REEP1: variants seen among roughly 807,000 people sequenced by gnomAD.
REEP1 encodes receptor accessory protein 1.
Under a neutral mutation model 40.3 loss-of-function variants are expected in REEP1, and 22 were observed. The ratio of observed to expected loss-of-function variants is 0.55; its 90% confidence interval spans 0.39 to 0.78. The LOEUF is 0.78. Among genes scored for constraint, REEP1 ranks in the 30% least tolerant of loss-of-function variants. The pLI, the probability that REEP1 is intolerant of heterozygous loss-of-function variation, is 0.00. For missense variants in REEP1, 280 were observed against 361.1 expected (o/e 0.78, Z 1.82); for synonymous variants, 116 against 139.2 (o/e 0.83, Z 1.17).
chr2:86,219,038 T>C (rs1036672230), intron 8 of REEP1, among the ~76,000 whole-genome samples: 1 of 152,214 alleles, frequency 6.6e-6, no homozygotes, highest in Non-Finnish European at 1.5e-5. Context: ...CCTGTGCTCA[T>C]GACTGGTGAC....
intron 5 of REEP1, among the ~76,000 whole-genome samples, chr2:86,237,679 C>T (rs989671993): frequency 2.6e-5 from 4 of 151,960 alleles, no homozygotes; most frequent in Admixed American, 6.5e-5. Context: ...GCCACCACCA[C>T]GCCCGGCTAA....
chr2:86,261,536 G>C (rs953851714), intron 3 of REEP1, among the ~76,000 whole-genome samples: 1 of 152,172 alleles, frequency 6.6e-6, no homozygotes, highest in East Asian at 1.9e-4. Context: ...AAGGCAGCAC[G>C]CTCTTTAAGA....
chr2:86,217,157 G>A (rs1674157803), intron 8 of REEP1, 47 bp from the exon 9 acceptor site: 3 of 1,543,200 alleles, frequency 1.9e-6, no homozygotes, highest in East Asian at 4.5e-5. Flanking sequence ...TGTAAATGTG[G>A]GATCTTTTGA....
At chr2:86,296,104 T>A (rs57924251) in intron 1 of REEP1, among the ~76,000 whole-genome samples, 4,584 of 152,212 alleles carry the variant, frequency 0.03, 118 homozygotes, top group East Asian at 0.07. Flanking sequence ...TAGGTGACCA[T>A]AAGGGAAAGT....
intron 1 of REEP1, among the ~76,000 whole-genome samples, chr2:86,334,792 A>G (rs1680935105): frequency 6.6e-6 from 1 of 152,134 alleles, no homozygotes; most frequent in Admixed American, 6.5e-5. Context: ...TAAGTCTGAG[A>G]GCCCCTCTCA....
chr2:86,226,788 G>A (rs761538198), intron 7 of REEP1, among the ~76,000 whole-genome samples: 1 of 152,006 alleles, frequency 6.6e-6, no homozygotes, highest in Non-Finnish European at 1.5e-5. Flanking sequence ...GTGGTTTTAA[G>A]ATATCTCCAC....
chr2:86,335,551 T>A (rs1206481007), intron 1 of REEP1, among the ~76,000 whole-genome samples: 2 of 152,024 alleles, frequency 1.3e-5, no homozygotes, highest in African/African-American at 2.4e-5. Context: ...CAGTTGCTCA[T>A]TGTAAAAAAG....
intron 1 of REEP1, among the ~76,000 whole-genome samples, chr2:86,333,508 C>G (rs1680868455): frequency 6.6e-6 from 1 of 152,256 alleles, no homozygotes; most frequent in South Asian, 2.1e-4. Flanking sequence ...ACTTAGAACT[C>G]TCTTTCCCCC....
At chr2:86,239,016 A>G (rs1675519646) in intron 5 of REEP1, among the ~76,000 whole-genome samples, 1 of 152,082 alleles carries the variant, frequency 6.6e-6, no homozygotes, top group South Asian at 2.1e-4. Context: ...GGCAGGGGTA[A>G]GAGTAAGACT....
intron 2 of REEP1, among the ~76,000 whole-genome samples, chr2:86,279,360 T>C (rs2104383789): frequency 6.6e-6 from 1 of 152,282 alleles, no homozygotes; most frequent in Non-Finnish European, 1.5e-5. Flanking sequence ...TAAGCAGCCA[T>C]TAAATGACCC....
At chr2:86,295,548 G>T (rs754516373) in intron 1 of REEP1, among the ~76,000 whole-genome samples, 1 of 152,076 alleles carries the variant, frequency 6.6e-6, no homozygotes, top group East Asian at 1.9e-4. Flanking sequence ...GTTTTGAGAC[G>T]GAGTCTTGCT....
Position 86,282,150 on chromosome 2 carries a change from A to T in REEP1, c.105+20T>A, listed in dbSNP as rs1391015302. 1 of 1,576,346 alleles carries T rather than the reference A, an allele frequency of 6.3e-7. No individual in the cohort carries two copies. On this transcript the variant is annotated intron_variant, in intron 2 of 8. Transcript: ENST00000538924. ...ACCTGACTCCAGCCAACCCGCTCGAAAATACACAGTGCTACTTACATATTC... is the reference window on the plus strand; with the variant it reads ...ACCTGACTCCAGCCAACCCGCTCGATAATACACAGTGCTACTTACATATTC...
At chr2:86,280,732 G>A (rs994685132) in intron 2 of REEP1, among the ~76,000 whole-genome samples, 4 of 152,136 alleles carry the variant, frequency 2.6e-5, no homozygotes, top group Admixed American at 1.3e-4. Context: ...CCCTGCTTAC[G>A]AACAGCAAGG....
rs201768834 is a variant in REEP1 at position 86,232,451 on chromosome 2, C to T, written c.595+174G>A. Among the ~76,000 whole-genome samples, 27 of 152,308 alleles carry T rather than the reference C, an allele frequency of 1.8e-4. No homozygotes were observed. In the East Asian group the frequency reaches 4.1e-3, roughly 23 times the overall value. Reference sequence around the variant, plus strand: ...TCAGTCACCAGGCTGGTTTCCTGGCCGGGCCTGAGGGGTGCTCCGCCCCTT... The same window carrying T: ...TCAGTCACCAGGCTGGTTTCCTGGCTGGGCCTGAGGGGTGCTCCGCCCCTT... On this transcript the variant is annotated intron_variant, in intron 6 of 8. Transcript: ENST00000538924.
chr2:86,337,590 G>T lies in REEP1; in HGVS notation c.-80C>A. Reference sequence around the variant, plus strand: ...CGGCGCGGGCTGCTGCGGCGTTCCCGGAACGTCAGTCAGCTCACGGCAGCC... The same window carrying T: ...CGGCGCGGGCTGCTGCGGCGTTCCCTGAACGTCAGTCAGCTCACGGCAGCC... On this transcript the variant is annotated 5_prime_UTR_variant, in exon 1 of 9. Transcript: ENST00000538924. The surrounding 1 kb of genome is among the most constrained non-coding windows in gnomAD (Gnocchi z 5.8). 1 of 1,170,268 alleles carries T rather than the reference G, an allele frequency of 8.5e-7. No homozygotes were observed. 72.5% of individuals were successfully genotyped at this position (1,170,268 alleles called of 1,614,324 possible).
In REEP1 at chr2:86,227,375, T is replaced by C. The variant is rs1225849509; in HGVS notation, c.619A>G (p.Arg207Gly). Residue 207 changes from arginine (R) to glycine (G), a missense_variant, in exon 7 of 9, where the codon AGG (arginine) becomes GGG (glycine). Arg to Gly is a moderately radical substitution (Grantham distance 125). Around this residue, in one of 3 missense-constraint regions of REEP1, gnomAD observed 201 missense variants for 238.5 expected, o/e 0.84. Coordinates refer to ENST00000538924, the MANE Select transcript of REEP1 (RefSeq NM_001371279.1). ...GCTGCTTACTCACCTTTCCAGGTCC[T>C]GCAGGTGGAGCAGCAGGTACACACT... ...SSVCTCCSTC[R>G]TWKVVEGDVN... 1.5e-5 allele frequency: 18 copies of C among 1,232,208 alleles called. No individual in the cohort carries two copies. Among genetic ancestry groups the C allele is most frequent in the Non-Finnish European group, 1.8e-5 (18 of 988,128 alleles). The allele number at this position is 1,232,208 out of a possible 1,614,324, so 76.3% of individuals were successfully genotyped here.
chr2:86,236,511 C>T (rs573459553), intron 5 of REEP1, among the ~76,000 whole-genome samples: 1 of 152,142 alleles, frequency 6.6e-6, no homozygotes, highest in Admixed American at 6.5e-5. Context: ...GCCACATTAT[C>T]ATACTAAAAG....
chr2:86,255,029 T>A, intron 3 of REEP1: 1 of 492,360 alleles, frequency 2.0e-6, no homozygotes. Context: ...CAGTTCGTGT[T>A]TTCTTTTGTT....
At chr2:86,278,905 C>T (rs752433364) in intron 2 of REEP1, among the ~76,000 whole-genome samples, 7 of 152,194 alleles carry the variant, frequency 4.6e-5, no homozygotes, top group Non-Finnish European at 1.0e-4. Flanking sequence ...TTTAAGTTTT[C>T]ATCCCAAAAC....
Sources: gnomAD v4.1 joint callset for allele counts (sites outside exome capture counted in the v4.1 genomes callset) on GRCh38, gnomAD v4.1.1 for gene constraint, gnomAD v4.1.1 regional missense constraint, Gnocchi (gnomAD v3.1) non-coding constraint, MANE v1.5 for transcripts, NCBI Gene and HGNC (gene_info 2026-07-23, HGNC 2026-07-21) for gene names.